The following MAN1A2 variants were observed in gnomAD, a reference collection of about 807,000 sequenced individuals.
The protein encoded by MAN1A2 is mannosyl-oligosaccharide 1,2-alpha-mannosidase IB.
Under a neutral mutation model 75.7 loss-of-function variants are expected in MAN1A2, and 26 were observed. That is an observed-to-expected ratio of 0.34 (90% CI 0.25 to 0.48). The LOEUF is 0.48. Ranked by LOEUF, MAN1A2 falls within the 20% of genes least tolerant of loss-of-function variation. The pLI, the probability that MAN1A2 is intolerant of heterozygous loss-of-function variation, is 0.99. For missense variants in MAN1A2, 562 were observed against 775.5 expected (o/e 0.72, Z 3.27); for synonymous variants, 247 against 264.6 (o/e 0.93, Z 0.65).
rs1156529310 is a variant in MAN1A2, at chr1:117,525,673, GT to G, written c.*2718del. 4 of 151,770 alleles carry G rather than the reference GT, an allele frequency of 2.6e-5. No individual in the cohort carries two copies. The highest frequency in any genetic ancestry group is 5.9e-5 in the Non-Finnish European group (4 of 67,812). The allele number at this position is 151,770 out of a possible 1,614,324, so 9.4% of individuals were successfully genotyped here. Reference sequence around the variant, plus strand: ...GAAAAAAATAGGAATTTTGAACACTGTTCTTCCTTCTACATTTATTTCTCTT... The same window carrying G: ...GAAAAAAATAGGAATTTTGAACACTGTCTTCCTTCTACATTTATTTCTCTT... On this transcript the variant is annotated 3_prime_UTR_variant, in exon 13 of 13. Coordinates refer to ENST00000356554, the MANE Select transcript of MAN1A2 (RefSeq NM_006699.5).
chr1:117,420,114 A>G (rs2101779635), intron 4 of MAN1A2, among the ~76,000 whole-genome samples: 1 of 152,184 alleles, frequency 6.6e-6, no homozygotes, highest in Non-Finnish European at 1.5e-5. Context: ...TGCCTCCTTT[A>G]ACACTTATTA....
intron 9 of MAN1A2, 193 bp downstream of exon 9, chr1:117,493,455 T>C: frequency 2.4e-6 from 1 of 415,194 alleles, no homozygotes. Flanking sequence ...CTTCTTTTAT[T>C]TGTGACATTT....
Position 117,415,225 on chromosome 1 carries a change from A to G in MAN1A2, c.774+394A>G, listed in dbSNP as rs75612376. On this transcript the variant is annotated intron_variant, in intron 4 of 12. Coordinates refer to ENST00000356554, the MANE Select transcript of MAN1A2 (RefSeq NM_006699.5). ...AGTTCCTTATCTTCCTAAACCTGTC[A>G]TAAAATTGATATTCCATTATAGTAT... Among the ~76,000 whole-genome samples the G allele has an allele frequency of 8.0e-3, 1,211 of 152,148 alleles. 26 individuals carry two copies. Among genetic ancestry groups the G allele is most frequent in the African/African-American group, 0.028 (1,161 of 41,516 alleles).
chr1:117,381,624 T>C (rs1653338794), intron 1 of MAN1A2, among the ~76,000 whole-genome samples: 1 of 152,192 alleles, frequency 6.6e-6, no homozygotes, highest in African/African-American at 2.4e-5. Context: ...TTTGCTATTG[T>C]GAATAGTGCC....
At chr1:117,458,529 T>A (rs186919543) in intron 6 of MAN1A2, among the ~76,000 whole-genome samples, 9,610 of 126,174 alleles carry the variant, frequency 0.076, 538 homozygotes, top group Middle Eastern at 0.15. Flanking sequence ...ATATATTTTT[T>A]TTTTTTTTTT....
At chr1:117,396,560 C>G (rs181891261) in intron 1 of MAN1A2, among the ~76,000 whole-genome samples, 24 of 151,926 alleles carry the variant, frequency 1.6e-4, no homozygotes, top group Admixed American at 1.6e-3. Flanking sequence ...ATTTGGCTGC[C>G]AAAGCAAAAT....
intron 5 of MAN1A2, 98 bp downstream of exon 5, chr1:117,420,747 T>G (rs1648159463): frequency 2.3e-6 from 2 of 865,290 alleles, no homozygotes; most frequent in African/African-American, 1.7e-5. Context: ...TTTTCTAAAT[T>G]GGTAATATTG....
chr1:117,384,963 AT>A (rs1653476888), intron 1 of MAN1A2, among the ~76,000 whole-genome samples: 1 of 152,140 alleles, frequency 6.6e-6, no homozygotes, highest in South Asian at 2.1e-4. Context: ...GGAATTTGGA[AT>A]TATATAGAAG....
At chr1:117,412,383 CT>C (rs1647850123) in intron 3 of MAN1A2, among the ~76,000 whole-genome samples, 1 of 151,364 alleles carries the variant, frequency 6.6e-6, no homozygotes, top group African/African-American at 2.4e-5. Context: ...TCTTGTCTAC[CT>C]TTTAAAAACG....
intron 12 of MAN1A2, among the ~76,000 whole-genome samples, chr1:117,503,503 C>T (rs544753062): frequency 1.8e-4 from 28 of 151,562 alleles, no homozygotes; most frequent in Non-Finnish European, 4.0e-4. Flanking sequence ...GAGTAGACAA[C>T]TTTATTTTCG....
intron 5 of MAN1A2, among the ~76,000 whole-genome samples, chr1:117,425,382 C>A (rs939569570): frequency 6.6e-6 from 1 of 152,144 alleles, no homozygotes; most frequent in African/African-American, 2.4e-5. Context: ...GTGACACACA[C>A]ACAGAGGTAT....
chr1:117,385,799 G>A (rs953543213), intron 1 of MAN1A2, among the ~76,000 whole-genome samples: 1 of 149,308 alleles, frequency 6.7e-6, no homozygotes, highest in Non-Finnish European at 1.5e-5. Context: ...AGGTTATTAG[G>A]TTGCTTCAGA....
intron 5 of MAN1A2, among the ~76,000 whole-genome samples, chr1:117,430,191 G>A (rs1185310445): frequency 1.4e-3 from 125 of 91,420 alleles, no homozygotes; most frequent in East Asian, 7.3e-3. Flanking sequence ...CGGACGGGGC[G>A]GCTGGCCGGG....
At chr1:117,415,072 A>G (rs1258112812) in intron 4 of MAN1A2, among the ~76,000 whole-genome samples, 2 of 151,908 alleles carry the variant, frequency 1.3e-5, no homozygotes, top group Non-Finnish European at 2.9e-5. Context: ...GCTTCGATGA[A>G]TTTTCATAGT....
intron 12 of MAN1A2, among the ~76,000 whole-genome samples, chr1:117,509,099 A>G (rs1651455391): frequency 6.6e-6 from 1 of 150,734 alleles, no homozygotes; most frequent in South Asian, 2.1e-4. Flanking sequence ...AAGATTGAGA[A>G]TTCAATTACA....
At chr1:117,438,141 A>G (rs1648905728) in intron 5 of MAN1A2, among the ~76,000 whole-genome samples, 2 of 152,252 alleles carry the variant, frequency 1.3e-5, no homozygotes, top group Non-Finnish European at 2.9e-5. Flanking sequence ...TGGTGGTTGC[A>G]TGAAATTATA....
chr1:117,499,379 C>T lies in MAN1A2; in HGVS notation c.1505-3C>T, dbSNP rs761573351. The T allele has an allele frequency of 1.9e-6, 3 of 1,555,584 alleles. No individual in the cohort carries two copies. The highest frequency in any genetic ancestry group is 4.0e-5 in the Admixed American group (2 of 50,338). On this transcript the variant is annotated splice_polypyrimidine_tract_variant and splice_region_variant and intron_variant, in intron 10 of 12. Coordinates refer to ENST00000356554, the MANE Select transcript of MAN1A2 (RefSeq NM_006699.5). ...CTCAGTTATTTCTTTTGTCATGTTA[C>T]AGCATTAAAGCTAGGTCCTGAATCA...
At chr1:117,413,076 A>T (rs1043404170) in intron 3 of MAN1A2, among the ~76,000 whole-genome samples, 1 of 151,978 alleles carries the variant, frequency 6.6e-6, no homozygotes, top group East Asian at 1.9e-4. Flanking sequence ...TCAAGAATTT[A>T]TGCAAGAGAT....
intron 12 of MAN1A2, among the ~76,000 whole-genome samples, chr1:117,521,312 A>T (rs1190914134): frequency 6.6e-6 from 1 of 152,112 alleles, no homozygotes; most frequent in African/African-American, 2.4e-5. Context: ...AATAGCTGGG[A>T]CTTAATTAAA....
Sources: allele counts gnomAD v4.1 joint callset (sites outside exome capture counted in the v4.1 genomes callset), GRCh38; gene constraint gnomAD v4.1.1; transcripts MANE v1.5; gene names NCBI Gene and HGNC (gene_info 2026-07-23, HGNC 2026-07-21).